The following PTPRD variants were observed in gnomAD, a reference collection of about 807,000 sequenced individuals.
PTPRD encodes protein tyrosine phosphatase receptor type D.
In PTPRD, 34 loss-of-function variants were observed where a neutral mutation model predicts 214.5. That is an observed-to-expected ratio of 0.16 (90% CI 0.12 to 0.21). The LOEUF is 0.21. Ranked by LOEUF, PTPRD falls within the 10% of genes least tolerant of loss-of-function variation. PTPRD has a pLI of 1.00. For missense variants in PTPRD, 2,545 were observed against 2,398.7 expected (o/e 1.06, Z -1.27); for synonymous variants, 1,128 against 845.7 (o/e 1.33, Z -5.79).
rs545978051 is a variant in PTPRD at position 9,481,554 on chromosome 9, A to T, written c.-236-84072T>A. Among the ~76,000 whole-genome samples, 6 of 152,308 alleles carry T rather than the reference A, an allele frequency of 3.9e-5. No homozygotes were observed. The East Asian group carries it at 1.2e-3, about 29-fold the overall frequency. On this transcript the variant is annotated intron_variant, in intron 8 of 45. Coordinates refer to ENST00000381196, the MANE Select transcript of PTPRD (RefSeq NM_002839.4). ...TAATTTTAATTTATTTAAAATCAGA[A>T]GAAAAATGAATATAAAAATAAATAT... is the stretch of plus-strand genomic sequence containing the variant.
intron 8 of PTPRD, among the ~76,000 whole-genome samples, chr9:9,401,566 C>T (rs2070509228): frequency 6.6e-6 from 1 of 150,888 alleles, no homozygotes; most frequent in South Asian, 2.1e-4. Flanking sequence ...ATAGACCAGC[C>T]TTTCTCTGTA....
intron 6 of PTPRD, among the ~76,000 whole-genome samples, chr9:9,744,465 G>A (rs1044844095): frequency 9.9e-5 from 15 of 152,170 alleles, no homozygotes; most frequent in Admixed American, 7.2e-4. Flanking sequence ...TTTCCACAGT[G>A]AGCTTACAGA....
intron 34 of PTPRD, chr9:8,437,286 T>A: frequency 7.6e-7 from 1 of 1,314,324 alleles, no homozygotes; most frequent in Non-Finnish European, 1.0e-6. Flanking sequence ...GAACAAATTC[T>A]TCAAAAAAAA....
chr9:9,119,091 A>T (rs933298285), intron 10 of PTPRD, among the ~76,000 whole-genome samples: 4 of 152,218 alleles, frequency 2.6e-5, no homozygotes, highest in Non-Finnish European at 5.9e-5. Context: ...AACATGAAAA[A>T]TATGCTAACA....
At chr9:9,660,464 T>C (rs532299985) in intron 7 of PTPRD, among the ~76,000 whole-genome samples, 45 of 152,054 alleles carry the variant, frequency 3.0e-4, no homozygotes, top group African/African-American at 1.1e-3. Flanking sequence ...ATCTTGAATA[T>C]AGTTTAATAG....
intron 2 of PTPRD, among the ~76,000 whole-genome samples, chr9:10,508,961 G>A (rs2047029961): frequency 6.6e-6 from 1 of 151,778 alleles, no homozygotes; most frequent in Middle Eastern, 3.4e-3. Context: ...TAAAATAATA[G>A]TAAAAATATA....
At chr9:10,285,831 G>T (rs575601738) in intron 3 of PTPRD, among the ~76,000 whole-genome samples, 2 of 151,836 alleles carry the variant, frequency 1.3e-5, no homozygotes, top group African/African-American at 4.8e-5. Flanking sequence ...GGATGGTTTC[G>T]ATCTCCTGAC....
At chr9:8,347,203 C>CT (rs1189073380) in intron 39 of PTPRD, among the ~76,000 whole-genome samples, 2 of 152,194 alleles carry the variant, frequency 1.3e-5, no homozygotes, top group South Asian at 2.1e-4. Flanking sequence ...GGAAATACTA[C>CT]TTTTTTTCTC....
At chr9:9,159,228 CA>C (rs2099884135) in intron 10 of PTPRD, among the ~76,000 whole-genome samples, 1 of 151,602 alleles carries the variant, frequency 6.6e-6, no homozygotes, top group South Asian at 2.1e-4. Context: ...GGGAAAGAAA[CA>C]AAAGAACTAC....
chr9:10,492,860 C>T (rs1318273165), intron 2 of PTPRD, among the ~76,000 whole-genome samples: 1 of 152,012 alleles, frequency 6.6e-6, no homozygotes, highest in African/African-American at 2.4e-5. Flanking sequence ...ACGTTTAAAT[C>T]TCAGCCCTAA....
At chr9:10,167,938 T>G (rs1196041963) in intron 3 of PTPRD, among the ~76,000 whole-genome samples, 1 of 152,200 alleles carries the variant, frequency 6.6e-6, no homozygotes, top group Non-Finnish European at 1.5e-5. Context: ...GTGAGGAGCC[T>G]GCAGTGCATT....
intron 2 of PTPRD, among the ~76,000 whole-genome samples, chr9:10,395,371 G>T (rs549011198): frequency 6.6e-6 from 1 of 151,184 alleles, no homozygotes; most frequent in Non-Finnish European, 1.5e-5. Context: ...TTCTCATTGC[G>T]ATAGTTTGCT....
At chr9:8,680,436 T>A (rs1288127965) in intron 12 of PTPRD, among the ~76,000 whole-genome samples, 2 of 152,202 alleles carry the variant, frequency 1.3e-5, no homozygotes, top group Non-Finnish European at 2.9e-5. Context: ...TCGTGTTGAA[T>A]CTCTTTCTGA....
chr9:9,969,050 GT>G (rs1431484251), intron 4 of PTPRD, among the ~76,000 whole-genome samples: 2 of 152,196 alleles, frequency 1.3e-5, no homozygotes, highest in Admixed American at 1.3e-4. Flanking sequence ...TTAAATACTT[GT>G]AAAATTAAAA....
At chr9:10,263,551 A>T (rs887012531) in intron 3 of PTPRD, among the ~76,000 whole-genome samples, 9 of 152,110 alleles carry the variant, frequency 5.9e-5, no homozygotes, top group African/African-American at 2.2e-4. Flanking sequence ...TGCCCTAGAG[A>T]TCTGTGGAAT....
intron 3 of PTPRD, among the ~76,000 whole-genome samples, chr9:10,049,596 G>A (rs940411049): frequency 3.3e-5 from 5 of 152,166 alleles, no homozygotes; most frequent in African/African-American, 1.2e-4. Flanking sequence ...CTTTTGAAGA[G>A]AAAGTTAATT....
chr9:9,626,701 G>A (rs1056130948), intron 7 of PTPRD, among the ~76,000 whole-genome samples: 1 of 152,164 alleles, frequency 6.6e-6, no homozygotes, highest in African/African-American at 2.4e-5. Flanking sequence ...TGAAACTGAA[G>A]CAAATCTCTC....
chr9:10,256,395 C>CTTTT (rs35833315), intron 3 of PTPRD, among the ~76,000 whole-genome samples: 2,820 of 144,624 alleles, frequency 0.019, 61 homozygotes, highest in African/African-American at 0.052. Flanking sequence ...TGAATTACAG[C>CTTTT]TTTTTTTTTT....
chr9:10,094,539 C>CTTTTT (rs5896370), intron 3 of PTPRD, among the ~76,000 whole-genome samples: 8 of 121,156 alleles, frequency 6.6e-5, no homozygotes, highest in South Asian at 2.5e-4. Flanking sequence ...TTCTTTCTTT[C>CTTTTT]TTTTTTTTTT....
Sources: gnomAD v4.1 joint callset for allele counts (sites outside exome capture counted in the v4.1 genomes callset) on GRCh38, gnomAD v4.1.1 for gene constraint, MANE v1.5 for transcripts, NCBI Gene and HGNC (gene_info 2026-07-23, HGNC 2026-07-21) for gene names.